The following TSHZ2 variants were observed in gnomAD, a reference collection of about 807,000 sequenced individuals.
TSHZ2 encodes teashirt homolog 2.
TSHZ2 carries 21 observed loss-of-function variants against 74.4 expected under a neutral mutation model. That is an observed-to-expected ratio of 0.28 (90% CI 0.20 to 0.41). The LOEUF (loss-of-function observed/expected upper bound fraction) is 0.41. Ranked by LOEUF, TSHZ2 falls within the 10% of genes least tolerant of loss-of-function variation. The pLI, the probability that TSHZ2 is intolerant of heterozygous loss-of-function variation, is 1.00. For missense variants in TSHZ2, 1,244 were observed against 1,293.5 expected, an observed-to-expected ratio of 0.96 and a Z score of 0.59; for synonymous variants, 540 against 515.3, an observed-to-expected ratio of 1.05 and a Z score of -0.65.
At chr20:53,137,799 T>TGTA (rs1472751160) in intron 1 of TSHZ2, among the ~76,000 whole-genome samples, 1 of 152,196 alleles carries the variant, frequency 6.6e-6, no homozygotes, top group African/African-American at 2.4e-5. Flanking sequence ...CCAAAAATAC[T>TGTA]ACAGATCCCA....
chr20:53,269,613 G>A (rs1028738737), intron 2 of TSHZ2, among the ~76,000 whole-genome samples: 4 of 152,164 alleles, frequency 2.6e-5, no homozygotes, highest in African/African-American at 9.7e-5. Flanking sequence ...AGGATCTGAT[G>A]ATGAGGATAT....
chr20:53,209,236 C>T (rs986416900), intron 1 of TSHZ2, among the ~76,000 whole-genome samples: 11 of 152,110 alleles, frequency 7.2e-5, no homozygotes, highest in African/African-American at 2.7e-4. Context: ...TACAGGCATG[C>T]GCAACCATGC....
At chr20:53,136,271 C>T (rs897140516) in intron 1 of TSHZ2, among the ~76,000 whole-genome samples, 1 of 152,186 alleles carries the variant, frequency 6.6e-6, no homozygotes, top group Non-Finnish European at 1.5e-5. Flanking sequence ...AACGCCCTAC[C>T]TCTCAATACT....
intron 1 of TSHZ2, among the ~76,000 whole-genome samples, chr20:53,137,342 G>A (rs968494413): frequency 8.0e-6 from 1 of 124,554 alleles, no homozygotes; most frequent in Non-Finnish European, 1.7e-5. Context: ...CAAGTAAATT[G>A]TTTTCCCCAG....
At chr20:53,441,873 C>T (rs909939216) in intron 2 of TSHZ2, among the ~76,000 whole-genome samples, 3 of 152,374 alleles carry the variant, frequency 2.0e-5, no homozygotes, top group Non-Finnish European at 1.5e-5. Context: ...TGAGCCATCA[C>T]TCCCAGCCTT....
At chr20:53,394,913 C>T (rs1336257459) in intron 2 of TSHZ2, among the ~76,000 whole-genome samples, 3 of 150,240 alleles carry the variant, frequency 2.0e-5, no homozygotes, top group African/African-American at 7.4e-5. Context: ...CACATGCAGC[C>T]TCCACTGGCT....
At chr20:53,412,606 T>C (rs1983092493) in intron 2 of TSHZ2, 1 of 152,252 alleles carries the variant, frequency 6.6e-6, no homozygotes, top group Admixed American at 6.5e-5. Flanking sequence ...TGAAGTTCCC[T>C]GCTCCGGGCA....
chr20:53,225,430 G>A (rs1358984043), intron 1 of TSHZ2, among the ~76,000 whole-genome samples: 2 of 152,206 alleles, frequency 1.3e-5, no homozygotes, highest in African/African-American at 4.8e-5. Context: ...ACCCATTAAC[G>A]GAGAGAGCTG....
At chr20:53,386,567 T>C (rs972691720) in intron 2 of TSHZ2, among the ~76,000 whole-genome samples, 1 of 152,240 alleles carries the variant, frequency 6.6e-6, no homozygotes, top group Admixed American at 6.5e-5. Context: ...GTGCCAGGAA[T>C]GCAAGACTGA....
chr20:53,240,191 C>T (rs1464126882), intron 1 of TSHZ2, among the ~76,000 whole-genome samples: 3 of 152,134 alleles, frequency 2.0e-5, no homozygotes, highest in African/African-American at 7.2e-5. Flanking sequence ...AAAACCCTTA[C>T]TTTCTTAACC....
intron 1 of TSHZ2, among the ~76,000 whole-genome samples, chr20:53,112,437 C>T (rs1986559435): frequency 6.6e-6 from 1 of 152,224 alleles, no homozygotes; most frequent in Non-Finnish European, 1.5e-5. Context: ...TGCCCCTTCA[C>T]TTGTCTTCTA....
intron 1 of TSHZ2, among the ~76,000 whole-genome samples, chr20:53,199,860 T>C (rs1169246983): frequency 2.0e-5 from 3 of 152,206 alleles, no homozygotes; most frequent in East Asian, 1.9e-4. Flanking sequence ...TTCTAATCTG[T>C]CAAGTGGGGA....
At chr20:53,438,115 C>CTT (rs35641577) in intron 2 of TSHZ2, among the ~76,000 whole-genome samples, 22 of 133,586 alleles carry the variant, frequency 1.6e-4, no homozygotes, top group Admixed American at 3.0e-4. Flanking sequence ...TTTTTTTTTT[C>CTT]TTTTTTTTTT....
At chr20:53,408,158 GGTGGCCA>G (rs1201884718) in intron 2 of TSHZ2, among the ~76,000 whole-genome samples, 5 of 152,326 alleles carry the variant, frequency 3.3e-5, no homozygotes, top group Admixed American at 1.3e-4. Flanking sequence ...GAATCCGCCA[GGTGGCCA>G]GTCTCCAGAA....
chr20:53,149,795 G>C (rs1359407879), intron 1 of TSHZ2, among the ~76,000 whole-genome samples: 1 of 152,218 alleles, frequency 6.6e-6, no homozygotes, highest in Non-Finnish European at 1.5e-5. Context: ...ACTGAGACCT[G>C]CTGGCAGGCT....
At chr20:52,974,058 A>C (rs1050947630) in intron 1 of TSHZ2, among the ~76,000 whole-genome samples, 1 of 152,232 alleles carries the variant, frequency 6.6e-6, no homozygotes, top group Non-Finnish European at 1.5e-5. Flanking sequence ...AAACTATCCC[A>C]TCTGAATCCT....
intron 1 of TSHZ2, among the ~76,000 whole-genome samples, chr20:53,205,748 A>G (rs1173211722): frequency 6.6e-6 from 1 of 152,122 alleles, no homozygotes; most frequent in Non-Finnish European, 1.5e-5. Flanking sequence ...CTCCCTCTCA[A>G]TGCCTTCATC....
At chr20:53,484,020 C>G (rs577904102) in intron 2 of TSHZ2, among the ~76,000 whole-genome samples, 1 of 152,342 alleles carries the variant, frequency 6.6e-6, no homozygotes, top group African/African-American at 2.4e-5. Context: ...TCTTGTTTCA[C>G]AGTGTAATGC....
rs73134659 is a variant in TSHZ2 at position 53,001,867 on chromosome 20, C to T, written c.40+28534C>T. 5.9e-3 allele frequency among the ~76,000 whole-genome samples: 894 copies of T among 152,284 alleles called. 4 individuals carry two copies. The highest frequency in any genetic ancestry group is 0.017 in the Middle Eastern group (5 of 294). On this transcript the variant is annotated intron_variant, in intron 1 of 2. Transcript: ENST00000371497. Reference sequence around the variant, plus strand: ...TGGTTTTGAGAAGGCTTGTCTAGAACGGAGTTCCTGAGCTGCTTGGATGAT... The same window carrying T: ...TGGTTTTGAGAAGGCTTGTCTAGAATGGAGTTCCTGAGCTGCTTGGATGAT...
Sources: allele counts gnomAD v4.1 joint callset (sites outside exome capture counted in the v4.1 genomes callset), GRCh38; gene constraint gnomAD v4.1.1; transcripts MANE v1.5; gene names NCBI Gene and HGNC (gene_info 2026-07-23, HGNC 2026-07-21).